UNC13C: variants seen among roughly 807,000 people sequenced by gnomAD.
UNC13C encodes protein unc-13 homolog C.
A neutral mutation model predicts 245.4 loss-of-function variants in UNC13C; 174 were observed. The observed-to-expected ratio is 0.71, with a 90% CI of 0.63 to 0.80. The LOEUF (loss-of-function observed/expected upper bound fraction) is 0.80, where lower values mean the gene tolerates loss of function less well. Among genes scored for constraint, UNC13C ranks in the 30% least tolerant of loss-of-function variants. The pLI is 0.00. For synonymous variants in UNC13C, 992 were observed against 895.1 expected, an observed-to-expected ratio of 1.11 and a Z score of -1.93; for missense variants, 2,829 against 2,602.9, an observed-to-expected ratio of 1.09 and a Z score of -1.89.
At chr15:54,285,143 C>T (rs2140923060) in intron 10 of UNC13C, among the ~76,000 whole-genome samples, 1 of 152,194 alleles carries the variant, frequency 6.6e-6, no homozygotes, top group South Asian at 2.1e-4. Flanking sequence ...TAATATAATT[C>T]CTTTCTTGTT....
intron 2 of UNC13C, among the ~76,000 whole-genome samples, chr15:54,109,269 TCCTCCCCTCCCCTCCCCTCC>T (rs1323893946): frequency 7.3e-5 from 6 of 81,920 alleles, no homozygotes; most frequent in Non-Finnish European, 7.6e-5. Flanking sequence ...CCTTTCCCTC[TCCTCCCCTCCCCTCCCCTCC>T]CCTCCCTTCC....
chr15:54,157,085 C>T (rs1375414783), intron 4 of UNC13C, among the ~76,000 whole-genome samples: 1 of 152,158 alleles, frequency 6.6e-6, no homozygotes, highest in Non-Finnish European at 1.5e-5. Context: ...TCCCCTCTCA[C>T]CAATTGAGTA....
intron 30 of UNC13C, among the ~76,000 whole-genome samples, chr15:54,617,673 G>A (rs1021351956): frequency 2.0e-5 from 3 of 152,038 alleles, no homozygotes; most frequent in Admixed American, 6.6e-5. Flanking sequence ...AATGAGCAAA[G>A]ACCAGGGAAG....
chr15:54,490,837 T>TG (rs1430825992), intron 19 of UNC13C, among the ~76,000 whole-genome samples: 5 of 152,044 alleles, frequency 3.3e-5, no homozygotes, highest in Non-Finnish European at 5.9e-5. Context: ...GTAAGAAAAA[T>TG]GTCTTGTTTT....
At chr15:54,042,438 A>C (rs1896845253) in intron 2 of UNC13C, among the ~76,000 whole-genome samples, 1 of 152,218 alleles carries the variant, frequency 6.6e-6, no homozygotes, top group Admixed American at 6.5e-5. Flanking sequence ...CCTATGAAAG[A>C]GGAAAGATAC....
intron 10 of UNC13C, among the ~76,000 whole-genome samples, chr15:54,274,320 A>G (rs2036771864): frequency 6.6e-6 from 1 of 152,228 alleles, no homozygotes; most frequent in Admixed American, 6.5e-5. Flanking sequence ...CAAGGAAGAA[A>G]TATCTAAAAC....
At chr15:53,960,387 A>G in the UNC13C span, among the ~76,000 whole-genome samples, 2 of 152,016 alleles carry the variant, frequency 1.3e-5, no homozygotes, top group African/African-American at 2.4e-5. Flanking sequence ...ATCGTAAGAA[A>G]GGAACCAGAA....
chr15:53,846,576 A>AGCTGG, the UNC13C span, among the ~76,000 whole-genome samples: 3 of 152,208 alleles, frequency 2.0e-5, no homozygotes, highest in Non-Finnish European at 4.4e-5. Flanking sequence ...GGAATTAAAT[A>AGCTGG]AATTTTTGTA....
chr15:54,501,755 A>C (rs17237634), intron 22 of UNC13C, among the ~76,000 whole-genome samples: 2,906 of 152,264 alleles, frequency 0.019, 59 homozygotes, highest in Non-Finnish European at 0.026. Context: ...CAGAGGCTTC[A>C]TGACAAGGGC....
chr15:54,068,670 C>T (rs1898180820), intron 2 of UNC13C, among the ~76,000 whole-genome samples: 1 of 152,154 alleles, frequency 6.6e-6, no homozygotes, highest in South Asian at 2.1e-4. Flanking sequence ...CTTTGTTCTT[C>T]TAATTATCAC....
At chr15:54,350,709 T>C (rs2038963320) in intron 17 of UNC13C, among the ~76,000 whole-genome samples, 1 of 152,180 alleles carries the variant, frequency 6.6e-6, no homozygotes, top group South Asian at 2.1e-4. Flanking sequence ...TACACGAAAT[T>C]GAAATGGCGA....
chr15:54,229,043 CA>C (rs1258298116), intron 4 of UNC13C, among the ~76,000 whole-genome samples: 2 of 152,188 alleles, frequency 1.3e-5, no homozygotes, highest in African/African-American at 4.8e-5. Context: ...GGCTAGTCCC[CA>C]CTTGCTAGGG....
At chr15:54,139,106 C>T (rs1000191321) in intron 2 of UNC13C, among the ~76,000 whole-genome samples, 2 of 151,420 alleles carry the variant, frequency 1.3e-5, no homozygotes, top group Admixed American at 6.6e-5. Context: ...ATTACAAGCA[C>T]GCACCACCAT....
chr15:54,248,330 C>T (rs2036050931), intron 7 of UNC13C, among the ~76,000 whole-genome samples: 1 of 152,126 alleles, frequency 6.6e-6, no homozygotes, highest in East Asian at 1.9e-4. Flanking sequence ...CACACAAACA[C>T]ACACACAGCC....
intron 2 of UNC13C, among the ~76,000 whole-genome samples, chr15:54,137,784 T>G (rs2031812298): frequency 6.6e-6 from 1 of 152,188 alleles, no homozygotes; most frequent in African/African-American, 2.4e-5. Context: ...CTTAGTTTCA[T>G]CTATCTTTTC....
rs142660595 is a variant in UNC13C, at chr15:54,094,208, G to A, written c.2984-48810G>A. The stretch of plus-strand genomic sequence containing the variant: ...CTAGAATTGCACTGCTGTCTGAGAC[G>A]TCTCCGCTAAACTTTCCTTCCGTGT... On this transcript the variant is annotated intron_variant, in intron 2 of 32. Transcript: ENST00000260323. Among the ~76,000 whole-genome samples, 102 of 152,226 alleles carry A rather than the reference G, an allele frequency of 6.7e-4. 2 individuals are homozygous for A. The highest frequency in any genetic ancestry group is 2.2e-3 in the African/African-American group (92 of 41,544).
chr15:53,952,805 A>G, the UNC13C span, among the ~76,000 whole-genome samples: 1 of 152,210 alleles, frequency 6.6e-6, no homozygotes, highest in Non-Finnish European at 1.5e-5. Context: ...TCTTACTTAA[A>G]GTATACAGAG....
At chr15:54,386,468 A>C (rs1356843776) in intron 17 of UNC13C, among the ~76,000 whole-genome samples, 2 of 152,292 alleles carry the variant, frequency 1.3e-5, no homozygotes, top group African/African-American at 4.8e-5. Context: ...GAAAGCTAGG[A>C]GTCAGCTAAA....
intron 4 of UNC13C, among the ~76,000 whole-genome samples, chr15:54,202,301 C>G (rs758013954): frequency 3.3e-5 from 5 of 151,778 alleles, no homozygotes; most frequent in African/African-American, 4.8e-5. Flanking sequence ...TCATTCATCA[C>G]ATAACTAGAA....
Sources: gnomAD v4.1 joint callset for allele counts (sites outside exome capture counted in the v4.1 genomes callset) on GRCh38, gnomAD v4.1.1 for gene constraint, MANE v1.5 for transcripts, NCBI Gene and HGNC (gene_info 2026-07-23, HGNC 2026-07-21) for gene names.